The following DNAH14 variants were observed in gnomAD, a reference collection of about 807,000 sequenced individuals.
DNAH14 encodes the protein dynein axonemal heavy chain 14, also known as axonemal beta dynein heavy chain 14.
Under a neutral mutation model 520.9 loss-of-function variants are expected in DNAH14, and 478 were observed. The observed-to-expected ratio is 0.92, with a 90% CI of 0.85 to 0.99. DNAH14 has a LOEUF of 0.99. Ranked by LOEUF, DNAH14 falls within the 50% of genes least tolerant of loss-of-function variation. DNAH14 has a pLI of 0.00. For synonymous variants in DNAH14, 1,581 were observed against 1,757.2 expected, an observed-to-expected ratio of 0.90 and a Z score of 2.51; for missense variants, 4,831 against 5,234.5, an observed-to-expected ratio of 0.92 and a Z score of 2.38.
At chr1:225,295,900 T>A (rs531021507) in intron 55 of DNAH14, among the ~76,000 whole-genome samples, 1 of 152,198 alleles carries the variant, frequency 6.6e-6, no homozygotes, top group Non-Finnish European at 1.5e-5. Context: ...GATATAATAT[T>A]TGATTTATAT....
At chr1:225,105,663 T>A (rs1212799535) in intron 23 of DNAH14, among the ~76,000 whole-genome samples, 2 of 152,186 alleles carry the variant, frequency 1.3e-5, no homozygotes, top group Non-Finnish European at 2.9e-5. Context: ...TCTCCTTTGA[T>A]CTTTGTTGGT....
chr1:225,179,713 C>G (rs1191514286), intron 36 of DNAH14, among the ~76,000 whole-genome samples: 1 of 152,182 alleles, frequency 6.6e-6, no homozygotes. Flanking sequence ...GAGCTTTATA[C>G]CTTCAAATAT....
intron 55 of DNAH14, among the ~76,000 whole-genome samples, chr1:225,293,858 T>C (rs908845701): frequency 4.6e-5 from 7 of 152,176 alleles, no homozygotes; most frequent in African/African-American, 1.7e-4. Flanking sequence ...GTAGTCTTTA[T>C]GTATTTATAA....
rs145968638 is a variant in DNAH14 at position 224,945,916 on chromosome 1, A to T, written c.-33-6754A>T. 4.7e-3 allele frequency among the ~76,000 whole-genome samples: 715 copies of T among 152,384 alleles called. 3 individuals are homozygous for T. Among genetic ancestry groups the T allele is most frequent in the African/African-American group, 0.016 (671 of 41,582 alleles). ...TCTGCCCCTACTGGGGCTGCCTCCCAGTTAGGCTACTCGGGGGTCAGGGAA... is the reference window on the plus strand; with the variant it reads ...TCTGCCCCTACTGGGGCTGCCTCCCTGTTAGGCTACTCGGGGGTCAGGGAA... On this transcript the variant is annotated intron_variant, in intron 1 of 85. Coordinates refer to ENST00000682510, the MANE Select transcript of DNAH14 (RefSeq NM_001367479.1).
intron 40 of DNAH14, 96 bp downstream of exon 40, chr1:225,206,275 TA>T: frequency 8.9e-7 from 1 of 1,128,364 alleles, no homozygotes; most frequent in Admixed American, 2.8e-5. Context: ...ATTTTATTTT[TA>T]CCTTTGTATC....
At chr1:225,082,967 A>G (rs1444595056) in intron 20 of DNAH14, among the ~76,000 whole-genome samples, 1 of 152,138 alleles carries the variant, frequency 6.6e-6, no homozygotes, top group African/African-American at 2.4e-5. Flanking sequence ...AAACAGTAAT[A>G]CTGGTTTTCA....
intron 83 of DNAH14, among the ~76,000 whole-genome samples, chr1:225,390,669 A>G (rs934143252): frequency 1.3e-5 from 2 of 152,300 alleles, no homozygotes; most frequent in Admixed American, 6.5e-5. Flanking sequence ...CCAATTAAGT[A>G]TTATCCAGGT....
intron 66 of DNAH14, among the ~76,000 whole-genome samples, chr1:225,334,377 C>A (rs1335394808): frequency 6.6e-6 from 1 of 152,082 alleles, no homozygotes; most frequent in East Asian, 1.9e-4. Context: ...TCATCCTAAG[C>A]CTAAGCCACT....
At chr1:225,346,688 A>C in intron 71 of DNAH14, 34 bp downstream of exon 71, 1 of 1,478,318 alleles carries the variant, frequency 6.8e-7, no homozygotes, top group Non-Finnish European at 9.1e-7. Flanking sequence ...ATTCAGTAAA[A>C]GTCCATTAAA....
Position 225,232,382 on chromosome 1 carries a change from T to C in DNAH14, c.6518+1231T>C, listed in dbSNP as rs2091216376. On this transcript the variant is annotated intron_variant, in intron 42 of 85. Transcript: ENST00000682510. The surrounding 1 kb of genome is among the most constrained non-coding windows in gnomAD (Gnocchi z 4.2). Reference sequence around the variant, plus strand: ...AACAATAGTAATATGATTAATGTGCTTGTACATGTCTCTTGGTACTTATAT... The same window carrying C: ...AACAATAGTAATATGATTAATGTGCCTGTACATGTCTCTTGGTACTTATAT... 6.6e-6 allele frequency among the ~76,000 whole-genome samples: 1 copy of C among 152,020 alleles called. No individual in the cohort carries two copies. Among genetic ancestry groups the C allele is most frequent in the African/African-American group, 2.4e-5 (1 of 41,402 alleles).
At chr1:225,024,084 A>G (rs1035586094) in intron 11 of DNAH14, 35 of 1,158,536 alleles carry the variant, frequency 3.0e-5, no homozygotes, top group Non-Finnish European at 3.4e-5. Flanking sequence ...AATTTCACAT[A>G]AATGGTAAAT....
intron 1 of DNAH14, among the ~76,000 whole-genome samples, chr1:224,938,257 A>G (rs2059168229): frequency 6.6e-6 from 1 of 152,232 alleles, no homozygotes; most frequent in Non-Finnish European, 1.5e-5. Context: ...GTGAATAGAC[A>G]ATCTACAGAA....
intron 17 of DNAH14, among the ~76,000 whole-genome samples, chr1:225,075,126 G>T (rs1432527104): frequency 6.6e-6 from 1 of 152,144 alleles, no homozygotes; most frequent in African/African-American, 2.4e-5. Flanking sequence ...GAAGGCCCTG[G>T]TGAAGTGGGT....
chr1:225,173,448 A>C (rs1182390053), intron 36 of DNAH14, among the ~76,000 whole-genome samples: 1 of 152,242 alleles, frequency 6.6e-6, no homozygotes, highest in African/African-American at 2.4e-5. Context: ...AAGTGGGTGA[A>C]GGATATGAAC....
At chr1:224,948,492 T>C (rs1388004639) in intron 1 of DNAH14, among the ~76,000 whole-genome samples, 4 of 152,052 alleles carry the variant, frequency 2.6e-5, no homozygotes, top group Admixed American at 2.6e-4. Flanking sequence ...GAATAGGGTA[T>C]AACTGAAATT....
intron 84 of DNAH14, chr1:225,396,489 G>C (rs2096012400): frequency 1.3e-5 from 2 of 152,134 alleles, no homozygotes; most frequent in Non-Finnish European, 2.9e-5. Flanking sequence ...AACCCACCAA[G>C]TCTAGCTGAC....
intron 1 of DNAH14, among the ~76,000 whole-genome samples, chr1:224,938,348 C>T (rs1294666696): frequency 2.6e-5 from 4 of 151,386 alleles, no homozygotes; most frequent in Admixed American, 1.3e-4. Context: ...AACTCAATAG[C>T]GAAAAAACAA....
At chr1:224,968,717 T>C in intron 6 of DNAH14, 42 bp from the exon 7 acceptor site, 1 of 1,209,004 alleles carries the variant, frequency 8.3e-7, no homozygotes, top group East Asian at 3.0e-5. Context: ...GGTACATATT[T>C]TTTAAAGAAA....
At position 225,153,741 on chromosome 1, in the gene DNAH14, G is replaced by A; in HGVS notation, c.5197-9G>A. The A allele has an allele frequency of 6.6e-7, 1 of 1,524,620 alleles. No individual in the cohort carries two copies. The highest frequency in any genetic ancestry group is 8.9e-7 in the Non-Finnish European group (1 of 1,125,318). The allele number at this position is 1,524,620 out of a possible 1,614,324, so 94.4% of individuals were successfully genotyped here. ...ACTTTAATAATTCAAATATTTTAAT[G>A]TTTGATAGGATCATTATAATTTTGG... On this transcript the variant is annotated splice_polypyrimidine_tract_variant and intron_variant, in intron 33 of 85. Transcript: ENST00000682510.
Sources: gnomAD v4.1 joint callset for allele counts (sites outside exome capture counted in the v4.1 genomes callset) on GRCh38, gnomAD v4.1.1 for gene constraint, Gnocchi (gnomAD v3.1) non-coding constraint, MANE v1.5 for transcripts, NCBI Gene and HGNC (gene_info 2026-07-23, HGNC 2026-07-21) for gene names.